LEF1: variants seen among roughly 807,000 people sequenced by gnomAD.
The protein encoded by LEF1 is lymphoid enhancer binding factor 1.
Under a neutral mutation model 51.2 loss-of-function variants are expected in LEF1, and 14 were observed. The ratio of observed to expected loss-of-function variants is 0.27; its 90% confidence interval spans 0.18 to 0.43. LEF1 has a LOEUF of 0.43. Ranked by LOEUF, LEF1 falls within the 20% of genes least tolerant of loss-of-function variation. LEF1 has a pLI of 1.00. For synonymous variants in LEF1, 185 were observed against 183.2 expected, an observed-to-expected ratio of 1.01 and a Z score of -0.08; for missense variants, 386 against 512.0, an observed-to-expected ratio of 0.75 and a Z score of 2.37.
intron 3 of LEF1, among the ~76,000 whole-genome samples, chr4:108,099,330 C>T (rs1740592792): frequency 6.6e-6 from 1 of 151,548 alleles, no homozygotes. Context: ...TCTCGTACTC[C>T]AATTTGACTT....
At chr4:108,063,686 C>T in intron 10 of LEF1, 23 bp from the exon 11 acceptor site, 1 of 1,550,658 alleles carries the variant, frequency 6.4e-7, no homozygotes, top group Non-Finnish European at 8.7e-7. Flanking sequence ...GTGTCTTTAA[C>T]AAATTTTTAT....
chr4:108,068,759 C>G (rs1738256472), intron 9 of LEF1, among the ~76,000 whole-genome samples: 1 of 152,142 alleles, frequency 6.6e-6, no homozygotes, highest in Non-Finnish European at 1.5e-5. Flanking sequence ...GTGTGCATGA[C>G]CTCAGATATG....
At chr4:108,159,903 C>T (rs1744960618) in intron 3 of LEF1, among the ~76,000 whole-genome samples, 1 of 151,944 alleles carries the variant, frequency 6.6e-6, no homozygotes, top group Admixed American at 6.6e-5. Context: ...TTTCCTTTCC[C>T]ACCTAAAAAT....
At chr4:108,158,056 C>A (rs183155177) in intron 3 of LEF1, among the ~76,000 whole-genome samples, 29 of 152,110 alleles carry the variant, frequency 1.9e-4, no homozygotes, top group African/African-American at 6.5e-4. Flanking sequence ...CCCACCTCCA[C>A]CCCCAGTCTT....
rs1745449015 is a variant in LEF1 at position 108,167,017 on chromosome 4, T to G, written c.213+538A>C. 6.6e-6 allele frequency among the ~76,000 whole-genome samples: 1 copy of G among 151,858 alleles called. No homozygotes were observed. Among genetic ancestry groups the G allele is most frequent in the Admixed American group, 6.6e-5 (1 of 15,258 alleles). ...TCCCCGCGGCCCGGCTCACCGGTGG[T>G]AGGGACGGCCCCGCCTGCCCCAGCC... On this transcript the variant is annotated intron_variant, in intron 1 of 11. Coordinates refer to ENST00000265165, the MANE Select transcript of LEF1 (RefSeq NM_016269.5). The surrounding 1 kb of genome is among the most constrained non-coding windows in gnomAD (Gnocchi z 5.7).
intron 3 of LEF1, among the ~76,000 whole-genome samples, chr4:108,096,283 G>A (rs1224677455): frequency 6.6e-6 from 1 of 152,150 alleles, no homozygotes; most frequent in Non-Finnish European, 1.5e-5. Flanking sequence ...AGGAGGAAGA[G>A]CAGCAGCAGT....
At chr4:108,089,077 C>A (rs374665100) in intron 4 of LEF1, 48 bp downstream of exon 4, 2 of 1,610,858 alleles carry the variant, frequency 1.2e-6, no homozygotes, top group African/African-American at 2.7e-5. Flanking sequence ...TGAGATTTGG[C>A]TCTTCATTTG....
At chr4:108,138,648 G>A (rs1743450844) in intron 3 of LEF1, among the ~76,000 whole-genome samples, 1 of 152,240 alleles carries the variant, frequency 6.6e-6, no homozygotes, top group Non-Finnish European at 1.5e-5. Context: ...ACTTAGCAAA[G>A]GTGTTTATTT....
intron 3 of LEF1, among the ~76,000 whole-genome samples, chr4:108,130,631 G>A (rs944226081): frequency 2.0e-5 from 3 of 151,268 alleles, no homozygotes; most frequent in Admixed American, 6.6e-5. Context: ...TAGGGAGGCT[G>A]AGGTGGGAGA....
At chr4:108,141,117 T>A (rs1743621003) in intron 3 of LEF1, among the ~76,000 whole-genome samples, 1 of 152,226 alleles carries the variant, frequency 6.6e-6, no homozygotes, top group Admixed American at 6.5e-5. Flanking sequence ...TCAGCAAGTG[T>A]AATAAACCAA....
chr4:108,122,556 C>T (rs1389205102), intron 3 of LEF1, among the ~76,000 whole-genome samples: 3 of 152,178 alleles, frequency 2.0e-5, no homozygotes, highest in Non-Finnish European at 4.4e-5. Flanking sequence ...AGCCTCACTG[C>T]AGCCTCGACC....
chr4:108,131,052 G>C (rs1373227389), intron 3 of LEF1, among the ~76,000 whole-genome samples: 1 of 151,526 alleles, frequency 6.6e-6, no homozygotes, highest in African/African-American at 2.4e-5. Context: ...TATTTTCCAG[G>C]CTGAATTCAA....
intron 3 of LEF1, among the ~76,000 whole-genome samples, chr4:108,156,408 T>C (rs1413337350): frequency 6.6e-6 from 1 of 152,226 alleles, no homozygotes; most frequent in African/African-American, 2.4e-5. Flanking sequence ...AAAAGTAAAA[T>C]AATCAAATAC....
At chr4:108,132,812 G>C (rs554869717) in intron 3 of LEF1, among the ~76,000 whole-genome samples, 13 of 150,216 alleles carry the variant, frequency 8.7e-5, no homozygotes, top group African/African-American at 2.9e-4. Flanking sequence ...AGAACTATAG[G>C]CATGTACCAC....
chr4:108,119,728 G>A (rs1366644262), intron 3 of LEF1, among the ~76,000 whole-genome samples: 1 of 151,996 alleles, frequency 6.6e-6, no homozygotes, highest in Non-Finnish European at 1.5e-5. Flanking sequence ...CCTATAAGGC[G>A]GCCTAAAAGT....
intron 3 of LEF1, among the ~76,000 whole-genome samples, chr4:108,114,301 C>T (rs1741707829): frequency 6.6e-6 from 1 of 151,918 alleles, no homozygotes; most frequent in Non-Finnish European, 1.5e-5. Flanking sequence ...TAACAAGAAG[C>T]CAGGGAGGAG....
chr4:108,055,326 T>C (rs1053580390), intron 11 of LEF1, among the ~76,000 whole-genome samples: 11 of 152,224 alleles, frequency 7.2e-5, no homozygotes, highest in African/African-American at 2.2e-4. Context: ...TAGAATAGTA[T>C]TATACAAATC....
intron 3 of LEF1, among the ~76,000 whole-genome samples, chr4:108,119,987 T>TTA (rs200797598): frequency 0.015 from 656 of 44,848 alleles, 3 homozygotes; most frequent in Middle Eastern, 0.039. Flanking sequence ...TGTGTATATT[T>TTA]TATATATGTG....
intron 3 of LEF1, among the ~76,000 whole-genome samples, chr4:108,140,643 C>G (rs1743586746): frequency 6.6e-6 from 1 of 152,184 alleles, no homozygotes; most frequent in Non-Finnish European, 1.5e-5. Context: ...TTTTGACTTT[C>G]CCCTCACCCG....
Sources: gnomAD v4.1 joint callset for allele counts (sites outside exome capture counted in the v4.1 genomes callset) on GRCh38, gnomAD v4.1.1 for gene constraint, Gnocchi (gnomAD v3.1) non-coding constraint, MANE v1.5 for transcripts, NCBI Gene and HGNC (gene_info 2026-07-23, HGNC 2026-07-21) for gene names.